The following TRIM2 variants were observed in gnomAD, a reference collection of about 807,000 sequenced individuals.
TRIM2 encodes tripartite motif-containing protein 2.
TRIM2 carries 20 observed loss-of-function variants against 75.2 expected under a neutral mutation model. The observed-to-expected ratio is 0.27, with a 90% CI of 0.19 to 0.39. TRIM2 has a LOEUF of 0.39. TRIM2 is among the 10% of genes least tolerant of loss of function. The pLI is 1.00. For synonymous variants in TRIM2, 373 were observed against 388.3 expected (o/e 0.96, Z 0.46); for missense variants, 660 against 990.8 (o/e 0.67, Z 4.48).
At chr4:153,324,835 G>A (rs550105752) in intron 10 of TRIM2, among the ~76,000 whole-genome samples, 43 of 152,292 alleles carry the variant, frequency 2.8e-4, no homozygotes, top group Non-Finnish European at 4.4e-4. Flanking sequence ...GGTATGATCC[G>A]TGGCCATAGG....
chr4:153,218,884 A>G (rs1444115740), intron 1 of TRIM2, among the ~76,000 whole-genome samples: 1 of 152,196 alleles, frequency 6.6e-6, no homozygotes, highest in African/African-American at 2.4e-5. Flanking sequence ...AAGAAGAAAA[A>G]AAAGGTGATT....
rs559146398 is a variant in TRIM2 at position 153,182,427 on chromosome 4, C to T, written c.-49+29157C>T. ...CCGTAGAGTCCACCTGCACAGCTCACGCCCACTGACCCCACTTCTCAGCTC... is the reference window on the plus strand; with the variant it reads ...CCGTAGAGTCCACCTGCACAGCTCATGCCCACTGACCCCACTTCTCAGCTC... On this transcript the variant is annotated intron_variant, in intron 1 of 11. Transcript: ENST00000437508. 5.9e-5 allele frequency among the ~76,000 whole-genome samples: 9 copies of T among 152,292 alleles called. No individual in the cohort carries two copies. The East Asian group carries it at 9.6e-4, about 16-fold the overall frequency.
intron 10 of TRIM2, among the ~76,000 whole-genome samples, chr4:153,326,219 A>G (rs1344170559): frequency 1.3e-5 from 2 of 152,242 alleles, no homozygotes; most frequent in Non-Finnish European, 1.5e-5. Flanking sequence ...AAGTAATTAA[A>G]TGGCATTTTA....
At chr4:153,240,889 C>T (rs1224247141) in intron 1 of TRIM2, among the ~76,000 whole-genome samples, 2 of 152,130 alleles carry the variant, frequency 1.3e-5, no homozygotes, top group African/African-American at 2.4e-5. Flanking sequence ...CCAGCCTGAT[C>T]AACATGGTGA....
At chr4:153,301,418 A>C (rs1450024670) in intron 6 of TRIM2, among the ~76,000 whole-genome samples, 1 of 152,160 alleles carries the variant, frequency 6.6e-6, no homozygotes, top group African/African-American at 2.4e-5. Flanking sequence ...ACCTCTTATC[A>C]AGATGTAATA....
chr4:153,324,811 C>T (rs1184522393), intron 10 of TRIM2, among the ~76,000 whole-genome samples: 2 of 152,160 alleles, frequency 1.3e-5, no homozygotes, highest in Admixed American at 6.5e-5. Context: ...AGGTGTGATG[C>T]ATGTTCCACT....
intron 1 of TRIM2, among the ~76,000 whole-genome samples, chr4:153,229,908 C>T (rs1185622158): frequency 6.6e-6 from 1 of 152,196 alleles, no homozygotes; most frequent in Non-Finnish European, 1.5e-5. Flanking sequence ...TGGATAAATG[C>T]ATTCACCAAG....
chr4:153,259,066 A>C (rs771048360), intron 1 of TRIM2, among the ~76,000 whole-genome samples: 1 of 152,228 alleles, frequency 6.6e-6, no homozygotes, highest in Non-Finnish European at 1.5e-5. Flanking sequence ...GGAAGACACA[A>C]GTGATTTGCA....
intron 1 of TRIM2, among the ~76,000 whole-genome samples, chr4:153,206,799 T>A (rs1735571283): frequency 6.6e-6 from 1 of 152,170 alleles, no homozygotes; most frequent in African/African-American, 2.4e-5. Flanking sequence ...CCAGAGGCAA[T>A]CTGGGAGCCC....
chr4:153,336,435 A>C lies in TRIM2; in HGVS notation c.*1469A>C, dbSNP rs80338641. ...GTTGAACTTGAGTTACATTTAATTT[A>C]AATATAAATGCATTTTGAGAAATGT... On this transcript the variant is annotated 3_prime_UTR_variant, in exon 12 of 12. Coordinates refer to ENST00000338700, the MANE Select transcript of TRIM2 (RefSeq NM_015271.5). 3,139 of 985,348 alleles carry C rather than the reference A, an allele frequency of 3.2e-3. 3 individuals are homozygous for C. The highest frequency in any genetic ancestry group is 3.7e-3 in the Non-Finnish European group (3,032 of 829,542). The allele number at this position is 985,348 out of a possible 1,614,324, so 61.0% of individuals were successfully genotyped here.
chr4:153,184,379 T>C (rs548907796), intron 1 of TRIM2, among the ~76,000 whole-genome samples: 1 of 152,268 alleles, frequency 6.6e-6, no homozygotes, highest in Admixed American at 6.5e-5. Context: ...CTGATGGCTC[T>C]TCTTATAAGG....
At chr4:153,164,546 A>G (rs984587090) in intron 1 of TRIM2, among the ~76,000 whole-genome samples, 4 of 152,114 alleles carry the variant, frequency 2.6e-5, no homozygotes, top group Non-Finnish European at 4.4e-5. Flanking sequence ...ATAGTTCAAC[A>G]TTCAAGAAAA....
At chr4:153,307,734 T>C (rs1255345459) in intron 6 of TRIM2, 4 of 620,866 alleles carry the variant, frequency 6.4e-6, no homozygotes, top group Admixed American at 2.0e-5. Flanking sequence ...GGGAGCACCA[T>C]TTCTGGACGC....
rs530546790 is a variant in TRIM2 at position 153,229,407 on chromosome 4, G to A, written c.30+24847G>A. Among the ~76,000 whole-genome samples, 5 of 152,246 alleles carry A rather than the reference G, an allele frequency of 3.3e-5. No homozygotes were observed. In the East Asian group the frequency reaches 7.7e-4, roughly 24 times the overall value. ...GCCTCCCAAGTAGCTGGGACTACAG[G>A]TCCCATGCCTGGTTAATTTTTGTAT... On this transcript the variant is annotated intron_variant, in intron 1 of 11. Transcript: ENST00000338700.
At chr4:153,317,348 A>T (rs1346569998) in intron 8 of TRIM2, among the ~76,000 whole-genome samples, 2 of 151,480 alleles carry the variant, frequency 1.3e-5, no homozygotes, top group Non-Finnish European at 2.9e-5. Flanking sequence ...TAAAATTTTG[A>T]TTTAAAAAAG....
At chr4:153,180,712 A>G (rs1458158282) in intron 1 of TRIM2, among the ~76,000 whole-genome samples, 1 of 152,162 alleles carries the variant, frequency 6.6e-6, no homozygotes, top group Non-Finnish European at 1.5e-5. Flanking sequence ...TCCTGAGCTC[A>G]AGTGATCTGC....
At chr4:153,315,811 T>C in intron 7 of TRIM2, 21 bp from the exon 8 acceptor site, 1 of 1,612,838 alleles carries the variant, frequency 6.2e-7, no homozygotes, top group Non-Finnish European at 8.5e-7. Context: ...CACATTCCAA[T>C]GAATGTAATT....
intron 1 of TRIM2, among the ~76,000 whole-genome samples, chr4:153,192,780 G>T (rs150693104): frequency 1.3e-5 from 2 of 151,962 alleles, no homozygotes; most frequent in Non-Finnish European, 2.9e-5. Context: ...CACTACCAAG[G>T]ATGCTGTTTT....
intron 8 of TRIM2, among the ~76,000 whole-genome samples, chr4:153,316,760 C>G (rs1470607804): frequency 6.6e-6 from 1 of 150,960 alleles, no homozygotes; most frequent in Non-Finnish European, 1.5e-5. Flanking sequence ...AGAAATCTCT[C>G]TTATGAAGTG....
Sources: gnomAD v4.1 joint callset for allele counts (sites outside exome capture counted in the v4.1 genomes callset) on GRCh38, gnomAD v4.1.1 for gene constraint, MANE v1.5 for transcripts, NCBI Gene and HGNC (gene_info 2026-07-23, HGNC 2026-07-21) for gene names.